Variants in REXO4 observed in about 807,000 individuals in gnomAD.
REXO4 encodes REX4 homolog, 3'-5' exonuclease.
Under a neutral mutation model 39.9 loss-of-function variants are expected in REXO4, and 29 were observed. That is an observed-to-expected ratio of 0.73 (90% CI 0.54 to 0.99). The LOEUF is 0.99. Among genes scored for constraint, REXO4 ranks in the 50% least tolerant of loss-of-function variants. REXO4 has a pLI of 0.00. For synonymous variants in REXO4, 184 were observed against 206.2 expected (o/e 0.89, Z 0.92); for missense variants, 524 against 546.5 (o/e 0.96, Z 0.41).
rs781861771 is a variant in REXO4, at chr9:133,415,035, G to T, written c.226-24C>A. 3.2e-6 allele frequency: 5 copies of T among 1,554,126 alleles called. No individual in the cohort carries two copies. The Admixed American group carries it at 8.5e-5, about 26-fold the overall frequency. On this transcript the variant is annotated intron_variant, in intron 1 of 7. Transcript: ENST00000371942. ...CACTGGGACCCAAAATAAAATACAT[G>T]CTGCATTTGAATTTGGAAATTACAC...
intron 3 of REXO4, 74 bp from the exon 4 acceptor site, chr9:133,412,566 C>T: frequency 6.5e-7 from 1 of 1,532,974 alleles, no homozygotes; most frequent in Non-Finnish European, 9.0e-7. Flanking sequence ...CCCCAGGGAT[C>T]CATGGACTAA....
In REXO4 at chr9:133,407,724, A is replaced by C. The variant is rs782484418; in HGVS notation, c.1149+83T>G. The C allele has an allele frequency of 3.7e-6, 4 of 1,076,748 alleles. No homozygotes were observed. The African/African-American group carries it at 6.4e-5, about 17-fold the overall frequency. 66.7% of individuals were successfully genotyped at this position (1,076,748 alleles called of 1,614,324 possible). On this transcript the variant is annotated intron_variant, in intron 7 of 7. Coordinates refer to ENST00000371942, the MANE Select transcript of REXO4 (RefSeq NM_020385.4). ...TAGGTGCCCAAGCCCCACCTCCCCCATGTCTGTGTCAGGTGACTCATGTCT... is the reference window on the plus strand; with the variant it reads ...TAGGTGCCCAAGCCCCACCTCCCCCCTGTCTGTGTCAGGTGACTCATGTCT...
In REXO4 at chr9:133,407,803, T is replaced by C; in HGVS notation, c.1149+4A>G. 6.2e-7 allele frequency: 1 copy of C among 1,613,398 alleles called. No individual in the cohort carries two copies. The highest frequency in any genetic ancestry group is 8.5e-7 in the Non-Finnish European group (1 of 1,179,562). On this transcript the variant is annotated splice_donor_region_variant and intron_variant, in intron 7 of 7. Coordinates refer to ENST00000371942, the MANE Select transcript of REXO4 (RefSeq NM_020385.4). ...CCATGAACTACCCCACAGGACACACTTACTGAACAGTGCTCCGCCTGCTGG... is the reference window on the plus strand; with the variant it reads ...CCATGAACTACCCCACAGGACACACCTACTGAACAGTGCTCCGCCTGCTGG...
At chr9:133,412,725 GC>G (rs1225937529) in intron 3 of REXO4, 52 bp downstream of exon 3, 1 of 1,594,382 alleles carries the variant, frequency 6.3e-7, no homozygotes, top group African/African-American at 1.3e-5. Context: ...AAGAAGCCCC[GC>G]CCTCCACGGC....
At chr9:133,416,265 C>T (rs75766626) in intron 1 of REXO4, among the ~76,000 whole-genome samples, 135 of 152,248 alleles carry the variant, frequency 8.9e-4, no homozygotes, top group African/African-American at 3.1e-3. Flanking sequence ...AGAACTTACT[C>T]GTTACTGAGG....
chr9:133,407,955 G>A, intron 6 of REXO4, 74 bp from the exon 7 acceptor site: 1 of 1,223,764 alleles, frequency 8.2e-7, no homozygotes, highest in African/African-American at 1.5e-5. Context: ...CAAGCAGGGA[G>A]CGGTTGGCTA....
chr9:133,412,672 T>G lies in REXO4; in HGVS notation c.716+106A>C, dbSNP rs1038057402. 12 of 1,493,878 alleles carry G rather than the reference T, an allele frequency of 8.0e-6. No homozygotes were observed. In the Admixed American group the frequency reaches 2.1e-4, roughly 26 times the overall value. The allele number at this position is 1,493,878 out of a possible 1,614,324, so 92.5% of individuals were successfully genotyped here. A position where few individuals can be genotyped will look rare whatever the true frequency, so the allele number is the denominator to read the frequency against. On this transcript the variant is annotated intron_variant, in intron 3 of 7. Coordinates refer to ENST00000371942, the MANE Select transcript of REXO4 (RefSeq NM_020385.4). ...TTCTTAGCAGGACCCTGGGAGGTGC[T>G]TGCCTCATTCACCTCAGGGAGAGGA...
chr9:133,415,133 A>T, intron 1 of REXO4, 122 bp from the exon 2 acceptor site: 1 of 729,924 alleles, frequency 1.4e-6, no homozygotes, highest in Non-Finnish European at 2.2e-6. Context: ...TACAATTCCC[A>T]TCCGCATCAC....
At chr9:133,410,614 A>G (rs587729233) in intron 5 of REXO4, among the ~76,000 whole-genome samples, 1 of 152,388 alleles carries the variant, frequency 6.6e-6, no homozygotes, top group Admixed American at 6.5e-5. Context: ...TAACCTGAAC[A>G]TGGGCCACAG....
intron 3 of REXO4, 138 bp downstream of exon 3, chr9:133,412,640 G>T: frequency 7.1e-7 from 1 of 1,412,226 alleles, no homozygotes; most frequent in Non-Finnish European, 9.7e-7. Flanking sequence ...GCTCTGTGTG[G>T]TCCTGGTTCT....
chr9:133,412,387 G>C lies in REXO4; in HGVS notation c.822C>G (p.Cys274Trp). ...RVSIVNQYGK[C>W]VYDKYVKPTE... is the part of the protein sequence containing the mutation. ...TTGGTTTGACGTACTTGTCATAAAC[G>C]CACTTCCCATACTGGTTCACGATGG... Residue 274 changes from cysteine to tryptophan, a missense_variant, in exon 4 of 8, where the codon TGC becomes TGG. By Grantham distance (215) the Cys-to-Trp change is radical. Transcript: ENST00000371942. 1.9e-6 allele frequency: 3 copies of C among 1,614,078 alleles called. No homozygotes were observed. Among genetic ancestry groups the C allele is most frequent in the Non-Finnish European group, 2.5e-6 (3 of 1,180,030 alleles).
At chr9:133,413,010 G>T in intron 2 of REXO4, 89 bp from the exon 3 acceptor site, 1 of 1,412,030 alleles carries the variant, frequency 7.1e-7, no homozygotes, top group South Asian at 1.3e-5. Context: ...CAGGTGAGTG[G>T]AGCGATGGCA....
In REXO4 at chr9:133,412,898, A is replaced by C. The variant is rs1242931495; in HGVS notation, c.596T>G (p.Val199Gly). The C allele has an allele frequency of 6.2e-7, 1 of 1,613,916 alleles. No homozygotes were observed. Among genetic ancestry groups the C allele is most frequent in the African/African-American group, 1.3e-5 (1 of 74,906 alleles). ...GGCAGCTTCGATATCCGCTGGGTCC[A>C]CGTCGTCAAACCAGATGTCTTCCCT... ...PTEEDIWFDD[V>G]DPADIEAAIG... is the part of the protein sequence containing the mutation. Residue 199 changes from valine to glycine, a missense_variant, in exon 3 of 8, where the codon GTG (valine) becomes GGG (glycine). Val to Gly is a moderately radical substitution (Grantham distance 109). Coordinates refer to ENST00000371942, the MANE Select transcript of REXO4 (RefSeq NM_020385.4).
At chr9:133,412,969 C>A in intron 2 of REXO4, 48 bp from the exon 3 acceptor site, 1 of 1,598,368 alleles carries the variant, frequency 6.3e-7, no homozygotes. Flanking sequence ...CCTAGTGCAA[C>A]TGGTGGGGTG....
chr9:133,413,997 T>A (rs1839391731), intron 2 of REXO4, among the ~76,000 whole-genome samples: 1 of 152,206 alleles, frequency 6.6e-6, no homozygotes, highest in Admixed American at 6.5e-5. Flanking sequence ...TATGAACACG[T>A]CACCTCCAGC....
chr9:133,417,732 C>G lies in REXO4; in HGVS notation c.113G>C (p.Trp38Ser). 1 of 1,614,108 alleles carries G rather than the reference C, an allele frequency of 6.2e-7. No homozygotes were observed. The highest frequency in any genetic ancestry group is 8.5e-7 in the Non-Finnish European group (1 of 1,179,978). Residue 38 changes from tryptophan (W) to serine (S), a missense_variant, in exon 1 of 8, where the codon TGG (tryptophan) becomes TCG (serine). Transcript: ENST00000371942. ...GCTTACTTCCCGCGCCTTGCTTTTC[C>G]AAAACCTTTTTTTCTTCTTGTTTTT... ...RKKNKKKKRF[W>S]KSKAREVSKK...
In REXO4 at chr9:133,406,748, C is replaced by T; in HGVS notation, c.*205G>A. Reference sequence around the variant, plus strand: ...TGCTCCCCACCCTGACCATCCGGGCCCAAACACACATGGACAGTAAGACCA... The same window carrying T: ...TGCTCCCCACCCTGACCATCCGGGCTCAAACACACATGGACAGTAAGACCA... On this transcript the variant is annotated 3_prime_UTR_variant, in exon 8 of 8. Coordinates refer to ENST00000371942, the MANE Select transcript of REXO4 (RefSeq NM_020385.4). The T allele has an allele frequency of 1.4e-6, 1 of 736,346 alleles. No homozygotes were observed. Among genetic ancestry groups the T allele is most frequent in the Non-Finnish European group, 2.2e-6 (1 of 463,864 alleles). 45.6% of individuals were successfully genotyped at this position (736,346 alleles called of 1,614,324 possible). A position where few individuals can be genotyped will look rare whatever the true frequency, so the allele number is the denominator to read the frequency against.
chr9:133,409,927 G>C (rs1437645955), intron 5 of REXO4, among the ~76,000 whole-genome samples: 1 of 152,212 alleles, frequency 6.6e-6, no homozygotes, highest in Non-Finnish European at 1.5e-5. Context: ...TGGAGTCAGA[G>C]TCAGGAGGGA....
chr9:133,414,310 T>A (rs1335396296), intron 2 of REXO4: 1 of 472,634 alleles, frequency 2.1e-6, no homozygotes, highest in South Asian at 1.7e-5. Context: ...GATGCCACCA[T>A]GACTACCACA....
Sources: allele counts gnomAD v4.1 joint callset (sites outside exome capture counted in the v4.1 genomes callset), GRCh38; gene constraint gnomAD v4.1.1; transcripts MANE v1.5; gene names NCBI Gene and HGNC (gene_info 2026-07-23, HGNC 2026-07-21).